The following GAB1 variants were observed in gnomAD, a reference collection of about 807,000 sequenced individuals.
GAB1 encodes the protein GRB2-associated-binding protein 1.
GAB1 carries 19 observed loss-of-function variants against 66.5 expected under a neutral mutation model. That is an observed-to-expected ratio of 0.29 (90% CI 0.20 to 0.42). The LOEUF is 0.42. Ranked by LOEUF, GAB1 falls within the 10% of genes least tolerant of loss-of-function variation. The probability of loss-of-function intolerance (pLI) is 1.00; values close to 1 mark genes in which losing one functional copy is unlikely to be tolerated. For synonymous variants in GAB1, 294 were observed against 301.4 expected (o/e 0.98, Z 0.25); for missense variants, 732 against 858.5 (o/e 0.85, Z 1.84).
chr4:143,436,728 CAACTTAAG>C (rs1733960262), intron 3 of GAB1, among the ~76,000 whole-genome samples: 1 of 152,044 alleles, frequency 6.6e-6, no homozygotes. Flanking sequence ...GAAAAGCAGT[CAACTTAAG>C]AAGTAAATGG....
chr4:143,354,784 A>G (rs1192607346), intron 1 of GAB1, among the ~76,000 whole-genome samples: 1 of 152,224 alleles, frequency 6.6e-6, no homozygotes, highest in Admixed American at 6.5e-5. Flanking sequence ...CCAAATCTTT[A>G]ATATCTACCT....
intron 9 of GAB1, 68 bp from the exon 10 acceptor site, chr4:143,468,963 T>C (rs2149802484): frequency 6.6e-7 from 1 of 1,520,354 alleles, no homozygotes; most frequent in Admixed American, 2.0e-5. Context: ...TTTTGTGTTT[T>C]AAGACTGAGT....
intron 1 of GAB1, among the ~76,000 whole-genome samples, chr4:143,355,221 C>T (rs1729395377): frequency 6.6e-6 from 1 of 152,212 alleles, no homozygotes; most frequent in Non-Finnish European, 1.5e-5. Context: ...CTGGTTTCAG[C>T]ATGCAGAGAT....
At chr4:143,439,742 A>C in intron 4 of GAB1, 60 bp from the exon 5 acceptor site, 1 of 1,146,872 alleles carries the variant, frequency 8.7e-7, no homozygotes, top group Non-Finnish European at 1.3e-6. Flanking sequence ...AGGTCATCCC[A>C]ATGACCCTGA....
chr4:143,373,202 G>A (rs1489442228), intron 1 of GAB1, among the ~76,000 whole-genome samples: 1 of 152,030 alleles, frequency 6.6e-6, no homozygotes, highest in Admixed American at 6.6e-5. Context: ...TCATCTCATC[G>A]CTGTCTGTGC....
chr4:143,421,428 CTG>C (rs1733008108), intron 2 of GAB1, among the ~76,000 whole-genome samples: 1 of 152,188 alleles, frequency 6.6e-6, no homozygotes, highest in East Asian at 1.9e-4. Context: ...AGTATAATAA[CTG>C]TGTTACAGTA....
chr4:143,439,529 T>C (rs1244696322), intron 4 of GAB1: 1 of 367,576 alleles, frequency 2.7e-6, no homozygotes, highest in Non-Finnish European at 5.0e-6. Flanking sequence ...TTTCTCTTCA[T>C]CTTTAGATAA....
At chr4:143,435,140 C>G (rs1236177566) in intron 3 of GAB1, among the ~76,000 whole-genome samples, 2 of 151,826 alleles carry the variant, frequency 1.3e-5, no homozygotes, top group Non-Finnish European at 2.9e-5. Context: ...AGACAAAGCA[C>G]TTGTTCAAAA....
chr4:143,348,252 A>C (rs570885030), intron 1 of GAB1, among the ~76,000 whole-genome samples: 8 of 152,302 alleles, frequency 5.3e-5, no homozygotes, highest in African/African-American at 1.7e-4. Context: ...TATGTTGATA[A>C]TTTGAGTACT....
intron 2 of GAB1, among the ~76,000 whole-genome samples, chr4:143,431,533 C>T (rs989711242): frequency 3.9e-5 from 6 of 152,148 alleles, no homozygotes; most frequent in Admixed American, 6.5e-5. Context: ...TTTAGCTGCG[C>T]GAAGTGGTCA....
intron 1 of GAB1, among the ~76,000 whole-genome samples, chr4:143,384,746 C>T (rs1730822678): frequency 6.6e-6 from 1 of 152,152 alleles, no homozygotes; most frequent in Non-Finnish European, 1.5e-5. Context: ...CAGTTAACTT[C>T]TAATGGGCAG....
chr4:143,413,388 G>T (rs1732498171), intron 1 of GAB1, among the ~76,000 whole-genome samples: 1 of 152,132 alleles, frequency 6.6e-6, no homozygotes, highest in South Asian at 2.1e-4. Flanking sequence ...AACACTTTAT[G>T]ACTTTTCAAT....
intron 1 of GAB1, among the ~76,000 whole-genome samples, chr4:143,403,870 A>G (rs1731904031): frequency 6.6e-6 from 1 of 152,204 alleles, no homozygotes; most frequent in African/African-American, 2.4e-5. Flanking sequence ...TCATTGCCAT[A>G]TATCTTGTTC....
chr4:143,345,184 G>A (rs545825345), intron 1 of GAB1, among the ~76,000 whole-genome samples: 4 of 152,170 alleles, frequency 2.6e-5, no homozygotes, highest in Non-Finnish European at 5.9e-5. Context: ...TCACCTCTTA[G>A]TGTGTGTTTC....
chr4:143,350,695 A>AG (rs1729170342), intron 1 of GAB1, among the ~76,000 whole-genome samples: 1 of 151,460 alleles, frequency 6.6e-6, no homozygotes, highest in African/African-American at 2.4e-5. Flanking sequence ...AAAAAAAAAA[A>AG]AAAGAAAGAC....
chr4:143,442,391 C>T (rs1469929985), intron 6 of GAB1, among the ~76,000 whole-genome samples: 1 of 152,134 alleles, frequency 6.6e-6, no homozygotes. Context: ...TGCTCCTCTG[C>T]TGCTCTTTTC....
intron 2 of GAB1, among the ~76,000 whole-genome samples, chr4:143,416,417 G>T (rs991147844): frequency 6.7e-6 from 1 of 150,374 alleles, no homozygotes; most frequent in African/African-American, 2.5e-5. Context: ...CAAAAAAAAA[G>T]CACTTTTATG....
chr4:143,423,935 T>A (rs1412119084), intron 2 of GAB1, among the ~76,000 whole-genome samples: 1 of 150,006 alleles, frequency 6.7e-6, no homozygotes, highest in Non-Finnish European at 1.5e-5. Flanking sequence ...CTTGCAGGTA[T>A]AAAGAGGGTA....
chr4:143,366,682 C>A (rs927699210), intron 1 of GAB1, among the ~76,000 whole-genome samples: 2 of 152,134 alleles, frequency 1.3e-5, no homozygotes, highest in African/African-American at 4.8e-5. Flanking sequence ...TGAATAGTAT[C>A]TCATTGTGTG....
Sources: allele counts gnomAD v4.1 joint callset (sites outside exome capture counted in the v4.1 genomes callset), GRCh38; gene constraint gnomAD v4.1.1; transcripts MANE v1.5; gene names NCBI Gene and HGNC (gene_info 2026-07-23, HGNC 2026-07-21).